The following MTOR variants were observed in gnomAD, a reference collection of about 807,000 sequenced individuals.
MTOR encodes the protein mechanistic target of rapamycin kinase.
In MTOR, 70 loss-of-function variants were observed where a neutral mutation model predicts 319.8. The ratio of observed to expected loss-of-function variants is 0.22; its 90% CI spans 0.18 to 0.27. MTOR has a LOEUF of 0.27. MTOR is among the 10% of genes least tolerant of loss of function. MTOR has a pLI of 1.00. For synonymous variants in MTOR, 1,183 were observed against 1,211.4 expected, an observed-to-expected ratio of 0.98 and a Z score of 0.49; for missense variants, 1,890 against 3,274.4, an observed-to-expected ratio of 0.58 and a Z score of 10.32.
intron 30 of MTOR, among the ~76,000 whole-genome samples, 196 bp downstream of exon 30, chr1:11,156,956 C>A (rs1466053649): frequency 1.3e-5 from 2 of 152,124 alleles, no homozygotes; most frequent in Non-Finnish European, 2.9e-5. Context: ...TAAGTGAAGG[C>A]CTTCCTACTT....
intron 19 of MTOR, among the ~76,000 whole-genome samples, chr1:11,228,102 A>AT (rs1646903823): frequency 6.6e-6 from 1 of 151,856 alleles, no homozygotes; most frequent in Admixed American, 6.6e-5. Context: ...ATCCAGACTG[A>AT]TTTTCTATTT....
chr1:11,233,334 T>A, intron 15 of MTOR, 64 bp downstream of exon 15: 1 of 1,440,476 alleles, frequency 6.9e-7, no homozygotes, highest in Non-Finnish European at 9.6e-7. Flanking sequence ...GTATTTTGAC[T>A]TCCTTAGAGG....
chr1:11,234,399 A>G, intron 13 of MTOR, 134 bp from the exon 14 acceptor site: 1 of 1,020,838 alleles, frequency 9.8e-7, no homozygotes, highest in East Asian at 2.4e-5. Context: ...GCTGCTAGAT[A>G]CTCAATGAGC....
Position 11,230,959 on chromosome 1 carries a change from G to A in MTOR, c.2745C>T (p.Val915=), listed in dbSNP as rs898100604. ...GACTTGACTTGGATTCTGACAGGCT[G>A]ACAGCAGAGGCATCCCGGGACTGGT... The part of the protein sequence containing the change: ...MIDQSRDASA[V]SLSESKSSQD... Residue 915 remains valine, a synonymous_variant, in exon 18 of 58, where the codon GTC becomes GTT. Coordinates refer to ENST00000361445, the MANE Select transcript of MTOR (RefSeq NM_004958.4). The A allele has an allele frequency of 6.2e-7, 1 of 1,614,096 alleles. No individual in the cohort carries two copies. Among genetic ancestry groups the A allele is most frequent in the Non-Finnish European group, 8.5e-7 (1 of 1,180,036 alleles).
At chr1:11,143,906 A>T (rs1643830004) in intron 34 of MTOR, 1 of 152,154 alleles carries the variant, frequency 6.6e-6, no homozygotes, top group African/African-American at 2.4e-5. Flanking sequence ...GGAATGGGAT[A>T]ACTGGCCATC....
intron 28 of MTOR, among the ~76,000 whole-genome samples, chr1:11,186,673 T>C (rs1645331448): frequency 6.6e-6 from 1 of 152,220 alleles, no homozygotes; most frequent in African/African-American, 2.4e-5. Flanking sequence ...AATACCATTT[T>C]AGTCCTCCAC....
At chr1:11,139,131 G>A in intron 36 of MTOR, 173 bp downstream of exon 36, 1 of 793,596 alleles carries the variant, frequency 1.3e-6, no homozygotes, top group Non-Finnish European at 2.0e-6. Flanking sequence ...CCTCAACTAT[G>A]ATTCACTCTA....
chr1:11,259,171 CAA>C (rs529301227), intron 2 of MTOR, 75 bp downstream of exon 2: 4 of 1,505,562 alleles, frequency 2.7e-6, no homozygotes, highest in Admixed American at 4.2e-5. Context: ...CTTAGCTGTA[CAA>C]AAAAAAATGT....
At chr1:11,135,549 G>A (rs1643363374) in intron 36 of MTOR, among the ~76,000 whole-genome samples, 1 of 152,190 alleles carries the variant, frequency 6.6e-6, no homozygotes, top group South Asian at 2.1e-4. Flanking sequence ...ATAAAAACAT[G>A]TTAGCCAGGT....
In MTOR at chr1:11,146,678, G is replaced by T; in HGVS notation, c.4684C>A (p.Gln1562Lys). ...LHQDLFSLAQQCIDKARDLLD... is the reference protein window; with the variant it reads ...LHQDLFSLAQKCIDKARDLLD... ...TCTGGGTGCATGTAGGTTTTTACCT[G>T]TTGTGCCAAGGAGAAGAGGTCCTGA... is the stretch of plus-strand genomic sequence containing the variant. The change falls in exon 32 of 58, where the codon CAG (glutamine) becomes AAG (lysine). Residue 1562 changes from glutamine to lysine, a missense_variant and splice_region_variant. Transcript: ENST00000361445. The T allele has an allele frequency of 6.2e-7, 1 of 1,613,488 alleles. No individual in the cohort carries two copies. The highest frequency in any genetic ancestry group is 8.5e-7 in the Non-Finnish European group (1 of 1,179,472).
At position 11,128,152 on chromosome 1, in the gene MTOR, T is replaced by C. The variant is rs2100415030; in HGVS notation, c.5911-26A>G. ...CTGAGGGAAAAACAGAAGAAACATC[T>C]ATAAAGGAAATGTGGGTTGGGGAAG... On this transcript the variant is annotated intron_variant, in intron 42 of 57. Transcript: ENST00000361445. This position sits in a 1 kb window ranked among gnomAD's most constrained non-coding sequence, Gnocchi z 5.3. The C allele has an allele frequency of 6.2e-7, 1 of 1,612,428 alleles. No individual in the cohort carries two copies. The highest frequency in any genetic ancestry group is 8.5e-7 in the Non-Finnish European group (1 of 1,179,472).
rs765287196 is a variant in MTOR at position 11,243,105 on chromosome 1, G to T, written c.1412+9C>A. ...GAGTGGAAGGTGAAATCATAACAGA[G>T]GTGCTTACTTATGGGCGAAGTCCTT... is the stretch of plus-strand genomic sequence containing the variant. On this transcript the variant is annotated intron_variant, in intron 9 of 57. Transcript: ENST00000361445. The T allele has an allele frequency of 1.9e-6, 3 of 1,613,932 alleles. No individual in the cohort carries two copies. Among genetic ancestry groups the T allele is most frequent in the Non-Finnish European group, 2.5e-6 (3 of 1,179,982 alleles).
At chr1:11,218,890 A>C (rs1179257945) in intron 19 of MTOR, among the ~76,000 whole-genome samples, 2 of 152,122 alleles carry the variant, frequency 1.3e-5, no homozygotes, top group Admixed American at 6.6e-5. Flanking sequence ...AAGTACAAAA[A>C]TATAAACATG....
chr1:11,219,792 G>A (rs1646597342), intron 19 of MTOR, among the ~76,000 whole-genome samples: 1 of 152,154 alleles, frequency 6.6e-6, no homozygotes, highest in African/African-American at 2.4e-5. Context: ...GGAAGGCTGA[G>A]GCGGGTGGAT....
chr1:11,114,169 C>G (rs1434194587), intron 53 of MTOR, 149 bp downstream of exon 53: 9 of 855,498 alleles, frequency 1.1e-5, no homozygotes, highest in Non-Finnish European at 1.4e-5. Flanking sequence ...CTAATTTTTT[C>G]AGTTTTTGCA....
chr1:11,237,639 G>A (rs1159243309), intron 13 of MTOR, among the ~76,000 whole-genome samples: 3 of 152,106 alleles, frequency 2.0e-5, no homozygotes, highest in South Asian at 4.1e-4. Context: ...GAGTCATATT[G>A]ACAAAGGGCT....
Position 11,109,214 on chromosome 1 carries a change from G to C in MTOR, c.7528+76C>G. The C allele has an allele frequency of 2.2e-6, 3 of 1,357,372 alleles. No homozygotes were observed. Among genetic ancestry groups the C allele is most frequent in the Non-Finnish European group, 3.1e-6 (3 of 963,348 alleles). 84.1% of individuals were successfully genotyped at this position (1,357,372 alleles called of 1,614,324 possible). ...GCTCGTCACTAACACCACTGGACATGGGGCTGACCACCACTCAGAGAGGAA... is the reference window on the plus strand; with the variant it reads ...GCTCGTCACTAACACCACTGGACATCGGGCTGACCACCACTCAGAGAGGAA... On this transcript the variant is annotated intron_variant, in intron 56 of 57. Coordinates refer to ENST00000361445, the MANE Select transcript of MTOR (RefSeq NM_004958.4). This position sits in a 1 kb window ranked among gnomAD's most constrained non-coding sequence, Gnocchi z 4.0.
chr1:11,192,749 A>T (rs1177977369), intron 28 of MTOR, among the ~76,000 whole-genome samples: 1 of 17,176 alleles, frequency 5.8e-5, no homozygotes, highest in African/African-American at 8.4e-5. Flanking sequence ...CATTTCAATT[A>T]AAAAAAAAAA....
chr1:11,114,912 C>G, intron 51 of MTOR, 25 bp from the exon 52 acceptor site: 1 of 1,604,474 alleles, frequency 6.2e-7, no homozygotes, highest in Non-Finnish European at 8.5e-7. Flanking sequence ...ATGGGAAAAG[C>G]CAAATCAATG....
Sources: gnomAD v4.1 joint callset for allele counts (sites outside exome capture counted in the v4.1 genomes callset) on GRCh38, gnomAD v4.1.1 for gene constraint, Gnocchi (gnomAD v3.1) non-coding constraint, MANE v1.5 for transcripts, NCBI Gene and HGNC (gene_info 2026-07-23, HGNC 2026-07-21) for gene names.